Variants in RCOR1 observed in about 807,000 individuals in gnomAD.
The protein encoded by RCOR1 is REST corepressor.
In RCOR1, 12 loss-of-function variants were observed where a neutral mutation model predicts 64.0. The observed-to-expected ratio is 0.19, with a 90% confidence interval of 0.12 to 0.30. The LOEUF (loss-of-function observed/expected upper bound fraction) is 0.30, where lower values mean the gene tolerates loss of function less well. Ranked by LOEUF, RCOR1 falls within the 10% of genes least tolerant of loss-of-function variation. The probability of loss-of-function intolerance (pLI) is 1.00; values close to 1 mark genes in which losing one functional copy is unlikely to be tolerated. For synonymous variants in RCOR1, 279 were observed against 227.2 expected, an observed-to-expected ratio of 1.23 and a Z score of -2.05; for missense variants, 502 against 621.2, an observed-to-expected ratio of 0.81 and a Z score of 2.04.
chr14:102,691,319 G>GGA (rs59618185), intron 3 of RCOR1, among the ~76,000 whole-genome samples: 45,312 of 151,986 alleles, frequency 0.3, 7,246 homozygotes, highest in East Asian at 0.42. Context: ...CCTAGGATGG[G>GGA]GAGAGGTGGG....
chr14:102,655,496 ATTT>A, intron 2 of RCOR1: 1 of 979,600 alleles, frequency 1.0e-6, no homozygotes, highest in Non-Finnish European at 1.2e-6. Context: ...TATAGTCTTA[ATTT>A]TTAAGCACTG....
At chr14:102,707,970 T>C (rs1895888595) in intron 5 of RCOR1, among the ~76,000 whole-genome samples, 1 of 146,122 alleles carries the variant, frequency 6.8e-6, no homozygotes, top group Non-Finnish European at 1.5e-5. Context: ...TTTGTATCTT[T>C]TTTTTTTTTT....
intron 2 of RCOR1, among the ~76,000 whole-genome samples, chr14:102,676,821 T>C (rs1322450025): frequency 1.5e-5 from 1 of 64,932 alleles, no homozygotes; most frequent in African/African-American, 8.4e-5. Context: ...GAGGCGCCCC[T>C]CACCTCCCGG....
At chr14:102,705,206 A>C (rs1412009985) in intron 4 of RCOR1, among the ~76,000 whole-genome samples, 2 of 152,004 alleles carry the variant, frequency 1.3e-5, no homozygotes, top group South Asian at 4.1e-4. Flanking sequence ...AAGGGATAGG[A>C]TTGCATCCTG....
In RCOR1 at chr14:102,593,206, C is replaced by T. The variant is rs1285694060; in HGVS notation, c.301+19C>T. On this transcript the variant is annotated intron_variant, in intron 1 of 11. Transcript: ENST00000262241. ...GAGCACGGTAGGTGGCAGCCGCCCC[C>T]GCGGCCCCGGGCCCCGCGCCCCGCG... The T allele has an allele frequency of 1.4e-6, 2 of 1,478,738 alleles. No homozygotes were observed. Among genetic ancestry groups the T allele is most frequent in the Non-Finnish European group, 8.9e-7 (1 of 1,120,126 alleles). 91.6% of individuals were successfully genotyped at this position (1,478,738 alleles called of 1,614,324 possible). A position where few individuals can be genotyped will look rare whatever the true frequency, so the allele number is the denominator to read the frequency against.
chr14:102,640,301 A>G (rs1377312027), intron 2 of RCOR1, among the ~76,000 whole-genome samples: 3 of 152,198 alleles, frequency 2.0e-5, no homozygotes, highest in African/African-American at 4.8e-5. Flanking sequence ...AATGTCTGAA[A>G]TGGAAGATAA....
intron 2 of RCOR1, among the ~76,000 whole-genome samples, chr14:102,675,802 C>G (rs1052188277): frequency 6.6e-6 from 1 of 152,206 alleles, no homozygotes; most frequent in Non-Finnish European, 1.5e-5. Flanking sequence ...CTTCTAGACC[C>G]TGGAAACCTT....
chr14:102,654,905 C>A (rs1365782538), intron 2 of RCOR1, among the ~76,000 whole-genome samples: 1 of 148,980 alleles, frequency 6.7e-6, no homozygotes, highest in African/African-American at 2.5e-5. Context: ...GTCTCCTGGG[C>A]TTAAAGGATC....
intron 2 of RCOR1, among the ~76,000 whole-genome samples, chr14:102,601,992 C>G (rs1893408776): frequency 6.6e-6 from 1 of 152,062 alleles, no homozygotes; most frequent in Admixed American, 6.6e-5. Context: ...AACCCCGTCT[C>G]TACTAAAAAT....
intron 7 of RCOR1, among the ~76,000 whole-genome samples, chr14:102,711,645 T>G (rs1367192067): frequency 1.3e-5 from 2 of 152,194 alleles, no homozygotes; most frequent in Non-Finnish European, 2.9e-5. Context: ...AGACACAGTC[T>G]ATAGTTTCAA....
chr14:102,726,630 C>A lies in RCOR1; in HGVS notation c.*124C>A. The A allele has an allele frequency of 1.3e-6, 1 of 784,914 alleles. No individual in the cohort carries two copies. The highest frequency in any genetic ancestry group is 2.1e-6 in the Non-Finnish European group (1 of 478,998). The allele number at this position is 784,914 out of a possible 1,614,324, so 48.6% of individuals were successfully genotyped here. ...GACAAGCAGCTATTACCAAAAAAGG[C>A]ATATACTTCCAGTCCTGTGCTCCAT... On this transcript the variant is annotated 3_prime_UTR_variant, in exon 12 of 12. Transcript: ENST00000262241.
intron 2 of RCOR1, among the ~76,000 whole-genome samples, chr14:102,618,792 G>T (rs1191523938): frequency 1.3e-5 from 2 of 152,144 alleles, no homozygotes; most frequent in East Asian, 1.9e-4. Flanking sequence ...TATGCCTGGG[G>T]CATAAACCTA....
intron 2 of RCOR1, among the ~76,000 whole-genome samples, chr14:102,667,751 G>C (rs1254798788): frequency 6.6e-6 from 1 of 151,900 alleles, no homozygotes; most frequent in Non-Finnish European, 1.5e-5. Flanking sequence ...GTGTGTGCTC[G>C]AGTGCTAGTA....
At chr14:102,625,684 C>T (rs1386551955) in intron 2 of RCOR1, among the ~76,000 whole-genome samples, 1 of 152,086 alleles carries the variant, frequency 6.6e-6, no homozygotes, top group African/African-American at 2.4e-5. Context: ...TTTTCTGATT[C>T]CTTCAAACAG....
intron 2 of RCOR1, chr14:102,655,398 G>A (rs991342413): frequency 1.0e-6 from 1 of 985,228 alleles, no homozygotes; most frequent in Non-Finnish European, 1.2e-6. Context: ...GAAGCTCATT[G>A]ACATTCCTTC....
intron 11 of RCOR1, among the ~76,000 whole-genome samples, chr14:102,725,006 A>AT: frequency 6.6e-6 from 1 of 152,330 alleles, no homozygotes; most frequent in South Asian, 2.1e-4. Flanking sequence ...GTTATAGATT[A>AT]TTTCCTTCAG....
chr14:102,596,611 C>T (rs184232070), intron 2 of RCOR1, among the ~76,000 whole-genome samples: 3 of 152,214 alleles, frequency 2.0e-5, no homozygotes, highest in African/African-American at 7.2e-5. Flanking sequence ...GTTGCCCAGG[C>T]TGGAGTGCAG....
intron 2 of RCOR1, among the ~76,000 whole-genome samples, chr14:102,659,647 C>T (rs542492230): frequency 2.0e-5 from 3 of 152,274 alleles, no homozygotes; most frequent in Admixed American, 2.0e-4. Flanking sequence ...TTCTTTGTAG[C>T]TTTAATAGTT....
At chr14:102,610,634 C>G (rs997402043) in intron 2 of RCOR1, among the ~76,000 whole-genome samples, 1 of 152,120 alleles carries the variant, frequency 6.6e-6, no homozygotes, top group Non-Finnish European at 1.5e-5. Flanking sequence ...GCCATCTCAG[C>G]TTACTGCAAG....
Sources: gnomAD v4.1 joint callset for allele counts (sites outside exome capture counted in the v4.1 genomes callset) on GRCh38, gnomAD v4.1.1 for gene constraint, MANE v1.5 for transcripts, NCBI Gene and HGNC (gene_info 2026-07-23, HGNC 2026-07-21) for gene names.